SGCZ: variants seen among roughly 807,000 people sequenced by gnomAD.
SGCZ encodes the protein zeta-sarcoglycan.
A neutral mutation model predicts 41.3 loss-of-function variants in SGCZ; 40 were observed. The observed-to-expected ratio is 0.97, with a 90% CI of 0.75 to 1.26. SGCZ has a LOEUF of 1.26. Ranked by LOEUF, SGCZ falls within the 50% of genes most tolerant of loss-of-function variation. SGCZ has a pLI of 0.00. For missense variants in SGCZ, 552 were observed against 369.8 expected (o/e 1.49, Z -4.04); for synonymous variants, 206 against 137.5 (o/e 1.50, Z -3.49).
chr8:14,774,070 T>G (rs2130406559), intron 1 of SGCZ, among the ~76,000 whole-genome samples: 1 of 152,172 alleles, frequency 6.6e-6, no homozygotes, highest in Non-Finnish European at 1.5e-5. Flanking sequence ...TGCACGGGTG[T>G]TTTTCGTTGA....
chr8:14,843,042 A>T (rs572518203), intron 1 of SGCZ, among the ~76,000 whole-genome samples: 3 of 152,250 alleles, frequency 2.0e-5, no homozygotes, highest in African/African-American at 7.2e-5. Flanking sequence ...GTGAAACCCC[A>T]TCTCTACTAA....
chr8:14,252,368 C>T (rs1799318292), intron 3 of SGCZ, among the ~76,000 whole-genome samples: 1 of 151,626 alleles, frequency 6.6e-6, no homozygotes, highest in African/African-American at 2.4e-5. Context: ...ATTTTTATTC[C>T]ATTGTTCATT....
chr8:14,516,487 C>A (rs1002877406), intron 2 of SGCZ, among the ~76,000 whole-genome samples: 7 of 151,984 alleles, frequency 4.6e-5, no homozygotes, highest in Non-Finnish European at 8.8e-5. Flanking sequence ...AACTGTAGGA[C>A]AAATCAAATG....
intron 1 of SGCZ, among the ~76,000 whole-genome samples, chr8:14,730,092 C>A (rs1408327892): frequency 6.6e-6 from 1 of 152,110 alleles, no homozygotes; most frequent in Non-Finnish European, 1.5e-5. Flanking sequence ...TCTCAAAAAA[C>A]AAGCAAACAA....
At chr8:14,836,069 T>A (rs1802691266) in intron 1 of SGCZ, among the ~76,000 whole-genome samples, 1 of 152,102 alleles carries the variant, frequency 6.6e-6, no homozygotes, top group African/African-American at 2.4e-5. Flanking sequence ...TCTACCTTGA[T>A]TAACGTCATC....
intron 1 of SGCZ, among the ~76,000 whole-genome samples, chr8:14,925,060 G>A (rs962512197): frequency 6.6e-6 from 1 of 151,980 alleles, no homozygotes; most frequent in African/African-American, 2.4e-5. Flanking sequence ...GTTTCACCGT[G>A]TTGGCCAGGC....
chr8:14,152,401 T>C (rs1803737716), intron 5 of SGCZ, among the ~76,000 whole-genome samples: 1 of 152,108 alleles, frequency 6.6e-6, no homozygotes, highest in Non-Finnish European at 1.5e-5. Context: ...AGGTGACAAA[T>C]ACTTGTGGTC....
chr8:14,291,798 G>C (rs961068236), intron 3 of SGCZ, among the ~76,000 whole-genome samples: 5 of 151,902 alleles, frequency 3.3e-5, no homozygotes, highest in Non-Finnish European at 5.9e-5. Flanking sequence ...CTTGGGTACA[G>C]GAGAATTATT....
chr8:14,559,743 A>C (rs546714346), intron 1 of SGCZ, among the ~76,000 whole-genome samples: 42 of 152,264 alleles, frequency 2.8e-4, no homozygotes, highest in Middle Eastern at 3.4e-3. Flanking sequence ...TGGATAAGCT[A>C]TTAAAATATC....
At chr8:14,215,083 A>G (rs1204411869) in intron 4 of SGCZ, among the ~76,000 whole-genome samples, 1 of 152,152 alleles carries the variant, frequency 6.6e-6, no homozygotes, top group East Asian at 1.9e-4. Flanking sequence ...TCAAGTGACC[A>G]TAGAACCTTC....
chr8:14,948,949 C>T (rs1179578056), intron 1 of SGCZ, among the ~76,000 whole-genome samples: 3 of 151,834 alleles, frequency 2.0e-5, no homozygotes, highest in Admixed American at 6.6e-5. Flanking sequence ...TTCCTTCTGT[C>T]TCTTGTGTTC....
At chr8:14,336,138 C>T (rs1256599465) in intron 2 of SGCZ, among the ~76,000 whole-genome samples, 2 of 152,090 alleles carry the variant, frequency 1.3e-5, no homozygotes, top group Admixed American at 1.3e-4. Context: ...CATCATTTAG[C>T]TCCCTCTTAT....
intron 2 of SGCZ, among the ~76,000 whole-genome samples, chr8:14,376,184 G>A (rs531504816): frequency 6.7e-5 from 10 of 149,410 alleles, no homozygotes; most frequent in South Asian, 4.1e-4. Context: ...GGTGGCGGCC[G>A]CCTGTAGACC....
chr8:14,625,004 C>G (rs1355373419), intron 1 of SGCZ, among the ~76,000 whole-genome samples: 2 of 152,158 alleles, frequency 1.3e-5, no homozygotes, highest in South Asian at 2.1e-4. Context: ...TAGGTATAAT[C>G]TTCTGTTAGT....
At chr8:14,800,569 C>T (rs1801289143) in intron 1 of SGCZ, among the ~76,000 whole-genome samples, 2 of 152,026 alleles carry the variant, frequency 1.3e-5, no homozygotes, top group East Asian at 3.9e-4. Context: ...GGTGAACTTC[C>T]CCCATGCTGT....
At chr8:14,426,901 C>A (rs1799798030) in intron 2 of SGCZ, among the ~76,000 whole-genome samples, 1 of 152,082 alleles carries the variant, frequency 6.6e-6, no homozygotes, top group African/African-American at 2.4e-5. Context: ...TCAGTTGTCT[C>A]TAAGAACTCA....
chr8:14,359,821 A>G (rs1008513022), intron 2 of SGCZ, among the ~76,000 whole-genome samples: 2 of 152,014 alleles, frequency 1.3e-5, no homozygotes, highest in Non-Finnish European at 2.9e-5. Flanking sequence ...AAAAGAAAAA[A>G]AAAAAAAACA....
chr8:15,052,940 T>C (rs1328364626), intron 1 of SGCZ, among the ~76,000 whole-genome samples: 5 of 152,086 alleles, frequency 3.3e-5, no homozygotes. Flanking sequence ...ATCACTCCAA[T>C]CCATATAGCT....
rs146292234 is a variant in SGCZ, at chr8:14,949,067, C to A, written c.39+288518G>T. Among the ~76,000 whole-genome samples, 81 of 152,224 alleles carry A rather than the reference C, an allele frequency of 5.3e-4. No homozygotes were observed. The East Asian group carries it at 0.015, about 28-fold the overall frequency. ...TATCCAAAGTACATTCGGTACATTT[C>A]CACTGAAACTTACACCGCCCAGAAT... is the stretch of plus-strand genomic sequence containing the variant. On this transcript the variant is annotated intron_variant, in intron 1 of 7. Transcript: ENST00000382080.
Sources: gnomAD v4.1 joint callset for allele counts (sites outside exome capture counted in the v4.1 genomes callset) on GRCh38, gnomAD v4.1.1 for gene constraint, MANE v1.5 for transcripts, NCBI Gene and HGNC (gene_info 2026-07-23, HGNC 2026-07-21) for gene names.